Variants in RGS7 observed in about 807,000 individuals in gnomAD.
RGS7 encodes the protein regulator of G protein signaling 7, also known as regulator of G-protein signaling 7.
A neutral mutation model predicts 81.1 loss-of-function variants in RGS7; 27 were observed. That is an observed-to-expected ratio of 0.33 (90% CI 0.25 to 0.46). RGS7 has a LOEUF of 0.46. Among genes scored for constraint, RGS7 ranks in the 20% least tolerant of loss-of-function variants. The pLI is 1.00. For synonymous variants in RGS7, 208 were observed against 207.7 expected (o/e 1.00, Z -0.01); for missense variants, 396 against 607.4 (o/e 0.65, Z 3.66).
chr1:241,129,245 G>A (rs59862039), intron 2 of RGS7, among the ~76,000 whole-genome samples: 7,969 of 149,606 alleles, frequency 0.053, 711 homozygotes, highest in African/African-American at 0.19. Context: ...GGGGATATTG[G>A]CTACTAGAAA....
intron 6 of RGS7, among the ~76,000 whole-genome samples, chr1:240,911,917 G>A (rs1415478978): frequency 4.0e-5 from 6 of 151,578 alleles, no homozygotes; most frequent in African/African-American, 1.2e-4. Context: ...TGAGGTGGGC[G>A]GATCATGAGG....
At chr1:241,305,803 C>A in intron 2 of RGS7, 1 of 276,958 alleles carries the variant, frequency 3.6e-6, no homozygotes, top group South Asian at 3.4e-5. Context: ...CTGAGGCGCC[C>A]GCTTGGCTGT....
chr1:241,083,962 G>A (rs770738435), intron 3 of RGS7, among the ~76,000 whole-genome samples: 10 of 152,136 alleles, frequency 6.6e-5, no homozygotes, highest in African/African-American at 1.4e-4. Flanking sequence ...TCTTATAGGC[G>A]TCACAGAAAA....
At chr1:241,211,783 A>T (rs193055592) in intron 2 of RGS7, among the ~76,000 whole-genome samples, 26 of 152,360 alleles carry the variant, frequency 1.7e-4, no homozygotes, top group Non-Finnish European at 3.5e-4. Flanking sequence ...CTGGACAAAG[A>T]GTTAAAACAA....
At chr1:241,079,576 C>T (rs867709449) in intron 3 of RGS7, among the ~76,000 whole-genome samples, 1 of 151,924 alleles carries the variant, frequency 6.6e-6, no homozygotes, top group African/African-American at 2.4e-5. Flanking sequence ...GTTCTCTCTC[C>T]TAGAATTATT....
chr1:240,942,310 C>T (rs1677728331), intron 4 of RGS7, among the ~76,000 whole-genome samples: 2 of 152,176 alleles, frequency 1.3e-5, no homozygotes, highest in African/African-American at 4.8e-5. Context: ...ATAAAAGAGG[C>T]TTGAGTACTT....
chr1:240,973,271 C>T (rs1170113226), intron 4 of RGS7, among the ~76,000 whole-genome samples: 2 of 152,056 alleles, frequency 1.3e-5, no homozygotes, highest in Non-Finnish European at 2.9e-5. Context: ...TGTATTCCAG[C>T]GCTTTGGGAG....
At chr1:241,106,028 G>A (rs73127573) in intron 2 of RGS7, among the ~76,000 whole-genome samples, 1 of 152,194 alleles carries the variant, frequency 6.6e-6, no homozygotes, top group South Asian at 2.1e-4. Flanking sequence ...TTAGGTGGTG[G>A]CAGGTTTTCA....
intron 18 of RGS7, among the ~76,000 whole-genome samples, chr1:240,789,621 G>A (rs1053735365): frequency 6.6e-6 from 1 of 152,168 alleles, no homozygotes; most frequent in Non-Finnish European, 1.5e-5. Flanking sequence ...GATGAAATAA[G>A]CCCTGGTCTC....
intron 6 of RGS7, among the ~76,000 whole-genome samples, chr1:240,919,488 A>G (rs933375593): frequency 6.6e-6 from 1 of 152,184 alleles, no homozygotes; most frequent in African/African-American, 2.4e-5. Context: ...AATCATATCA[A>G]TACATGCAGA....
rs181080651 is a variant in RGS7 at position 240,864,185 on chromosome 1, C to T, written c.609+4402G>A. On this transcript the variant is annotated intron_variant, in intron 9 of 18. Transcript: ENST00000440928. ...ATCAAGGAGTGTGTTTTAGTCCACTCTTTATGACTGGCCTTAGTATAATAT... is the reference window on the plus strand; with the variant it reads ...ATCAAGGAGTGTGTTTTAGTCCACTTTTTATGACTGGCCTTAGTATAATAT... Among the ~76,000 whole-genome samples, 329 of 152,254 alleles carry T rather than the reference C, an allele frequency of 2.2e-3. 3 individuals carry two copies. The highest frequency in any genetic ancestry group is 7.3e-3 in the African/African-American group (302 of 41,554).
intron 2 of RGS7, among the ~76,000 whole-genome samples, chr1:241,121,345 G>T (rs1024209815): frequency 6.6e-6 from 1 of 152,154 alleles, no homozygotes; most frequent in Non-Finnish European, 1.5e-5. Flanking sequence ...AAGGGCTAAG[G>T]TTTAGTGCAA....
chr1:240,977,214 G>T (rs1293303657), intron 4 of RGS7, among the ~76,000 whole-genome samples: 1 of 151,302 alleles, frequency 6.6e-6, no homozygotes, highest in African/African-American at 2.4e-5. Context: ...GTTCACCAAG[G>T]ACTAAATTCT....
At chr1:241,089,020 C>CCTCTCT (rs1491281246) in intron 3 of RGS7, among the ~76,000 whole-genome samples, 51 of 45,438 alleles carry the variant, frequency 1.1e-3, no homozygotes, top group African/African-American at 3.5e-3. Flanking sequence ...AGCAAGACTC[C>CCTCTCT]ATCTCTCTCT....
At chr1:241,021,660 T>C (rs550878551) in intron 3 of RGS7, among the ~76,000 whole-genome samples, 2 of 151,964 alleles carry the variant, frequency 1.3e-5, no homozygotes, top group African/African-American at 4.8e-5. Context: ...GGGGAGGAGG[T>C]GGAAGGGTAG....
intron 3 of RGS7, among the ~76,000 whole-genome samples, chr1:241,007,853 C>A (rs541571070): frequency 2.0e-5 from 3 of 152,110 alleles, no homozygotes; most frequent in African/African-American, 2.4e-5. Context: ...GTGATTAAGG[C>A]GCTGCATCTT....
chr1:240,855,393 A>C (rs1387980038), intron 9 of RGS7, among the ~76,000 whole-genome samples: 7 of 148,892 alleles, frequency 4.7e-5, no homozygotes. Context: ...TATTTAGATA[A>C]TTTCTTATAT....
intron 2 of RGS7, among the ~76,000 whole-genome samples, chr1:241,302,302 C>G (rs1311492543): frequency 1.3e-5 from 2 of 152,184 alleles, no homozygotes; most frequent in African/African-American, 4.8e-5. Context: ...GTAATCCCAG[C>G]ACTTTGGGAG....
intron 3 of RGS7, among the ~76,000 whole-genome samples, chr1:241,017,613 A>G (rs778091160): frequency 4.6e-5 from 7 of 152,058 alleles, no homozygotes; most frequent in Non-Finnish European, 1.0e-4. Context: ...TTCTTTGAAT[A>G]CTTCAAAGAT....
Sources: allele counts gnomAD v4.1 joint callset (sites outside exome capture counted in the v4.1 genomes callset), GRCh38; gene constraint gnomAD v4.1.1; transcripts MANE v1.5; gene names NCBI Gene and HGNC (gene_info 2026-07-23, HGNC 2026-07-21).